The following IL1RAPL1 variants were observed in gnomAD, a reference collection of about 807,000 sequenced individuals.
IL1RAPL1 encodes the protein interleukin 1 receptor accessory protein like 1.
Under a neutral mutation model 48.4 loss-of-function variants are expected in IL1RAPL1, and 3 were observed. That is an observed-to-expected ratio of 0.06 (90% CI 0.03 to 0.16). IL1RAPL1 has a LOEUF of 0.16. Among genes scored for constraint, IL1RAPL1 ranks in the 10% least tolerant of loss-of-function variants. The probability of loss-of-function intolerance (pLI) is 1.00; values close to 1 mark genes in which losing one functional copy is unlikely to be tolerated. For missense variants in IL1RAPL1, 349 were observed against 530.6 expected (o/e 0.66, Z 3.36); for synonymous variants, 185 against 187.7 (o/e 0.99, Z 0.12).
rs62586509 is a variant in IL1RAPL1 at position 29,605,127 on chromosome X, C to T, written c.704-63303C>T. 8.1e-5 allele frequency among the ~76,000 whole-genome samples: 6 copies of T among 74,332 alleles called. No individual in the cohort carries two copies. The East Asian group carries it at 2.6e-3, about 32-fold the overall frequency. 64.5% of individuals were successfully genotyped at this position (74,332 alleles called of 115,157 possible). On this transcript the variant is annotated intron_variant, in intron 5 of 10. Coordinates refer to ENST00000378993, the MANE Select transcript of IL1RAPL1 (RefSeq NM_014271.4). ...ACACACACACACACACACACACACA[C>T]GGAGGGAGGGAGGGAGGGAAGGAGG...
chrX:29,102,929 G>T (rs913420811), intron 2 of IL1RAPL1, among the ~76,000 whole-genome samples: 3 of 111,008 alleles, frequency 2.7e-5, no homozygotes, highest in African/African-American at 9.8e-5. Context: ...GAAGAAAAAG[G>T]TCTCTACAAT....
intron 6 of IL1RAPL1, among the ~76,000 whole-genome samples, chrX:29,859,742 G>A (rs1931541225): frequency 9.0e-6 from 1 of 111,544 alleles, no homozygotes; most frequent in African/African-American, 3.3e-5. Flanking sequence ...AATTGTCGTT[G>A]GTTTTTACCA....
intron 2 of IL1RAPL1, among the ~76,000 whole-genome samples, chrX:29,147,708 C>T (rs936306530): frequency 1.8e-5 from 2 of 111,896 alleles, no homozygotes; most frequent in Non-Finnish European, 3.8e-5. Context: ...CCTGTGGCTT[C>T]CTCAATCATA....
At chrX:29,330,796 T>C (rs1371886983) in intron 3 of IL1RAPL1, among the ~76,000 whole-genome samples, 1 of 111,892 alleles carries the variant, frequency 8.9e-6, no homozygotes, top group Non-Finnish European at 1.9e-5. Context: ...ATTTTCTGTG[T>C]ACTTTGCTGT....
chrX:28,948,017 C>T (rs1924353662), intron 2 of IL1RAPL1, among the ~76,000 whole-genome samples: 2 of 110,691 alleles, frequency 1.8e-5, no homozygotes, highest in South Asian at 7.6e-4. Flanking sequence ...TATTGTGAGA[C>T]CTAGCAGGCA....
intron 2 of IL1RAPL1, among the ~76,000 whole-genome samples, chrX:29,093,520 T>G (rs747133891): frequency 9.0e-6 from 1 of 111,493 alleles, no homozygotes; most frequent in Non-Finnish European, 1.9e-5. Flanking sequence ...ATCACTTTGT[T>G]ATTGGTAGTT....
intron 2 of IL1RAPL1, among the ~76,000 whole-genome samples, chrX:29,052,678 A>G (rs1485365530): frequency 9.1e-6 from 1 of 109,789 alleles, no homozygotes; most frequent in African/African-American, 3.3e-5. Context: ...ATCTTTTAAA[A>G]AAATTTTTTT....
intron 2 of IL1RAPL1, among the ~76,000 whole-genome samples, chrX:29,121,760 A>G (rs1218782663): frequency 8.9e-6 from 1 of 111,927 alleles, no homozygotes; most frequent in Admixed American, 9.5e-5. Context: ...TCACGTCTGC[A>G]AAGTCCCTTT....
At chrX:28,833,173 A>G (rs1227915078) in intron 2 of IL1RAPL1, among the ~76,000 whole-genome samples, 1 of 111,575 alleles carries the variant, frequency 9.0e-6, no homozygotes, top group East Asian at 2.8e-4. Flanking sequence ...ATACAGCTGC[A>G]TAGTATTCCA....
At chrX:28,777,450 G>T (rs1936372552) in intron 1 of IL1RAPL1, among the ~76,000 whole-genome samples, 1 of 111,932 alleles carries the variant, frequency 8.9e-6, no homozygotes. Context: ...ATTCTGTCTA[G>T]CACAAATGCA....
intron 2 of IL1RAPL1, among the ~76,000 whole-genome samples, chrX:29,133,977 A>G (rs1345774319): frequency 9.0e-6 from 1 of 111,628 alleles, no homozygotes; most frequent in Non-Finnish European, 1.9e-5. Context: ...TCACTTAGTG[A>G]TATGCATTTC....
chrX:29,901,525 T>G (rs1230912349), intron 6 of IL1RAPL1, among the ~76,000 whole-genome samples: 1 of 111,995 alleles, frequency 8.9e-6, no homozygotes, highest in Non-Finnish European at 1.9e-5. Context: ...ACCACTAATA[T>G]TCTTTACTTT....
intron 2 of IL1RAPL1, among the ~76,000 whole-genome samples, chrX:28,900,313 C>T (rs894868493): frequency 1.4e-4 from 16 of 112,002 alleles, no homozygotes; most frequent in Non-Finnish European, 3.8e-5. Context: ...CTGTGATTTA[C>T]ATATAAATGA....
chrX:29,941,546 C>T, intron 8 of IL1RAPL1, 105 bp from the exon 9 acceptor site: 2 of 853,337 alleles, frequency 2.3e-6, no homozygotes, highest in Non-Finnish European at 3.5e-6. Context: ...AACCCGTTAA[C>T]CCACATCTGA....
At chrX:28,802,006 G>A (rs1050503737) in intron 2 of IL1RAPL1, among the ~76,000 whole-genome samples, 13 of 111,718 alleles carry the variant, frequency 1.2e-4, no homozygotes, top group African/African-American at 1.9e-4. Flanking sequence ...TTGATCACAC[G>A]TTTAAAAAGG....
chrX:29,086,372 TAGAA>T (rs965903810), intron 2 of IL1RAPL1, among the ~76,000 whole-genome samples: 4 of 112,338 alleles, frequency 3.6e-5, no homozygotes, highest in African/African-American at 1.3e-4. Flanking sequence ...GAAGCCATGT[TAGAA>T]ACCCATATGA....
chrX:29,802,938 C>A (rs373820207), intron 6 of IL1RAPL1, among the ~76,000 whole-genome samples: 1 of 46,614 alleles, frequency 2.1e-5, no homozygotes, highest in African/African-American at 9.6e-5. Flanking sequence ...TATATGTGTA[C>A]ATATGTATGC....
chrX:29,931,031 CCA>C (rs1189661366), intron 8 of IL1RAPL1, among the ~76,000 whole-genome samples: 1 of 111,545 alleles, frequency 9.0e-6, no homozygotes, highest in Non-Finnish European at 1.9e-5. Context: ...ACTATGTGAG[CCA>C]CAGACTTCTT....
chrX:28,941,799 A>T (rs778081834), intron 2 of IL1RAPL1, among the ~76,000 whole-genome samples: 5 of 110,637 alleles, frequency 4.5e-5, no homozygotes, highest in African/African-American at 1.6e-4. Context: ...CTTCAGGGAA[A>T]TACTTGTTTT....
Sources: allele counts gnomAD v4.1 joint callset (sites outside exome capture counted in the v4.1 genomes callset), GRCh38; gene constraint gnomAD v4.1.1; transcripts MANE v1.5; gene names NCBI Gene and HGNC (gene_info 2026-07-23, HGNC 2026-07-21).